The following SASH1 variants were observed in gnomAD, a reference collection of about 807,000 sequenced individuals.
SASH1 encodes SAM and SH3 domain-containing protein 1.
SASH1 carries 44 observed loss-of-function variants against 125.2 expected under a neutral mutation model. The observed-to-expected ratio is 0.35, with a 90% confidence interval of 0.28 to 0.45. The LOEUF (loss-of-function observed/expected upper bound fraction) is 0.45, where lower values mean the gene tolerates loss of function less well. SASH1 is among the 20% of genes least tolerant of loss of function. SASH1 has a pLI of 1.00. For missense variants in SASH1, 1,426 were observed against 1,614.5 expected, an observed-to-expected ratio of 0.88 and a Z score of 2.00; for synonymous variants, 639 against 649.1, an observed-to-expected ratio of 0.98 and a Z score of 0.24.
chr6:148,543,913 C>T lies in SASH1; in HGVS notation c.2443C>T (p.Pro815Ser). Reference sequence around the variant, plus strand: ...TTTGAATAAAAACCGAAGAAGCCTCCCAGTTTCCATCTGCCGGAGCTGTGA... The same window carrying T: ...TTTGAATAAAAACCGAAGAAGCCTCTCAGTTTCCATCTGCCGGAGCTGTGA... Reference protein sequence around the residue: ...TGLNKNRRSLPVSICRSCETL... With the variant: ...TGLNKNRRSLSVSICRSCETL... The change falls in exon 18 of 20, where the codon CCA becomes TCA. Residue 815 changes from proline to serine, a missense_variant. By Grantham distance (74) the Pro-to-Ser change is moderately conservative. This residue lies in a region of SASH1 where 634 missense variants were observed against 694.4 expected (regional missense o/e 0.91). Coordinates refer to ENST00000367467, the MANE Select transcript of SASH1 (RefSeq NM_015278.5). 6.2e-7 allele frequency: 1 copy of T among 1,614,192 alleles called. No homozygotes were observed. The highest frequency in any genetic ancestry group is 1.1e-5 in the South Asian group (1 of 91,088).
the SASH1 span, among the ~76,000 whole-genome samples, chr6:148,263,562 T>C: frequency 6.6e-6 from 1 of 152,210 alleles, no homozygotes; most frequent in Admixed American, 6.5e-5. Flanking sequence ...GGAGGTGATA[T>C]TAACAGCTCT....
At chr6:148,423,189 A>C (rs1405584011) in intron 2 of SASH1, among the ~76,000 whole-genome samples, 1 of 152,224 alleles carries the variant, frequency 6.6e-6, no homozygotes, top group Non-Finnish European at 1.5e-5. Flanking sequence ...CGCCTGCCTC[A>C]GCCTCCCAAA....
intron 1 of SASH1, among the ~76,000 whole-genome samples, chr6:148,322,980 T>G (rs1409544838): frequency 7.4e-6 from 1 of 134,866 alleles, no homozygotes; most frequent in Non-Finnish European, 1.6e-5. Context: ...CTTCCCTCCC[T>G]CCCTTTCTCT....
the SASH1 span, among the ~76,000 whole-genome samples, chr6:148,232,378 C>T: frequency 6.6e-6 from 1 of 152,148 alleles, no homozygotes; most frequent in African/African-American, 2.4e-5. Flanking sequence ...GACTTGGGCT[C>T]GGGCCTACTG....
At chr6:148,406,035 G>C (rs1475710864) in intron 2 of SASH1, among the ~76,000 whole-genome samples, 1 of 152,206 alleles carries the variant, frequency 6.6e-6, no homozygotes, top group African/African-American at 2.4e-5. Flanking sequence ...GATGTGCCCT[G>C]TGCCTATGCC....
chr6:148,230,149 T>C, the SASH1 span, among the ~76,000 whole-genome samples: 1 of 152,206 alleles, frequency 6.6e-6, no homozygotes, highest in African/African-American at 2.4e-5. Context: ...TTTATATAAA[T>C]GAAATTACAC....
At chr6:148,535,495 A>C (rs1297143404) in intron 16 of SASH1, among the ~76,000 whole-genome samples, 1 of 152,180 alleles carries the variant, frequency 6.6e-6, no homozygotes, top group African/African-American at 2.4e-5. Flanking sequence ...GAATAAATGA[A>C]ATTCATCAGC....
At chr6:148,198,724 G>A in the SASH1 span, among the ~76,000 whole-genome samples, 1 of 152,164 alleles carries the variant, frequency 6.6e-6, no homozygotes, top group Non-Finnish European at 1.5e-5. Context: ...AACATGTTCT[G>A]TTTGACCTAC....
intron 6 of SASH1, among the ~76,000 whole-genome samples, chr6:148,471,746 A>G (rs1226281350): frequency 6.6e-5 from 10 of 152,226 alleles, no homozygotes; most frequent in African/African-American, 2.2e-4. Context: ...TAGATCTGAC[A>G]GCAGAGGCCG....
intron 1 of SASH1, among the ~76,000 whole-genome samples, chr6:148,278,196 C>T (rs564574655): frequency 3.9e-4 from 60 of 152,170 alleles, no homozygotes; most frequent in Middle Eastern, 3.4e-3. Context: ...CCACCATGCC[C>T]GGCTAATTTT....
chr6:148,395,543 T>G (rs1055912457), intron 2 of SASH1, among the ~76,000 whole-genome samples: 3 of 152,174 alleles, frequency 2.0e-5, no homozygotes, highest in Non-Finnish European at 4.4e-5. Context: ...TGGGTAAAAA[T>G]TCAACAATAT....
chr6:148,356,070 G>GTTTTTTTTTTTTT (rs200129121), intron 1 of SASH1, among the ~76,000 whole-genome samples: 25 of 139,768 alleles, frequency 1.8e-4, no homozygotes, highest in East Asian at 4.3e-4. Flanking sequence ...GTATCATTCT[G>GTTTTTTTTTTTTT]TTTTTTTTTT....
chr6:148,454,242 G>A (rs373834228), intron 4 of SASH1, among the ~76,000 whole-genome samples: 2 of 152,144 alleles, frequency 1.3e-5, no homozygotes, highest in Admixed American at 6.5e-5. Flanking sequence ...GAATGTGAGC[G>A]CTGTGGGCCC....
chr6:148,280,072 T>TC (rs1293440197), intron 1 of SASH1, among the ~76,000 whole-genome samples: 17 of 66,980 alleles, frequency 2.5e-4, no homozygotes, highest in African/African-American at 1.2e-4. Flanking sequence ...CCCCCATCAT[T>TC]CCCCCCCGAC....
At position 148,449,195 on chromosome 6, in the gene SASH1, G is replaced by C. The variant is rs35025485; in HGVS notation, c.386+8788G>C. Among the ~76,000 whole-genome samples, 9 of 148,794 alleles carry C rather than the reference G, an allele frequency of 6.0e-5. 1 individual carries two copies. Among genetic ancestry groups the C allele is most frequent in the Non-Finnish European group, 1.5e-5 (1 of 67,346 alleles). Reference sequence around the variant, plus strand: ...AGTGATTCTCCTGCCTCAGCCTCTCGAGTAGCTGGGACTACAGGCATGTGC... The same window carrying C: ...AGTGATTCTCCTGCCTCAGCCTCTCCAGTAGCTGGGACTACAGGCATGTGC... On this transcript the variant is annotated intron_variant, in intron 4 of 19. Transcript: ENST00000367467.
At chr6:148,368,770 G>GCACGCGCGCACACACACACACACACACA (rs1554245333) in intron 1 of SASH1, among the ~76,000 whole-genome samples, 13 of 135,632 alleles carry the variant, frequency 9.6e-5, no homozygotes, top group South Asian at 5.2e-4. Flanking sequence ...GCACGCGCGC[G>GCACGCGCGCACACACACACACACACACA]CACACACACA....
intron 1 of SASH1, among the ~76,000 whole-genome samples, chr6:148,303,058 G>A (rs931267720): frequency 2.6e-5 from 4 of 152,030 alleles, no homozygotes; most frequent in African/African-American, 9.7e-5. Flanking sequence ...TCAGCTCACT[G>A]CAAACTCTGC....
the SASH1 span, among the ~76,000 whole-genome samples, chr6:148,201,172 T>A: frequency 6.6e-6 from 1 of 152,216 alleles, no homozygotes; most frequent in Non-Finnish European, 1.5e-5. Context: ...TGGACCACAC[T>A]GACGTAATAA....
chr6:148,223,577 T>C, the SASH1 span, among the ~76,000 whole-genome samples: 1 of 152,198 alleles, frequency 6.6e-6, no homozygotes, highest in African/African-American at 2.4e-5. Flanking sequence ...TGTTCGCTCA[T>C]GTAACCCACC....
Sources: gnomAD v4.1 joint callset for allele counts (sites outside exome capture counted in the v4.1 genomes callset) on GRCh38, gnomAD v4.1.1 for gene constraint, gnomAD v4.1.1 regional missense constraint, MANE v1.5 for transcripts, NCBI Gene and HGNC (gene_info 2026-07-23, HGNC 2026-07-21) for gene names.